The following LYN variants were observed in gnomAD, a reference collection of about 807,000 sequenced individuals.
LYN encodes LYN proto-oncogene, Src family tyrosine kinase.
Under a neutral mutation model 65.0 loss-of-function variants are expected in LYN, and 12 were observed. The observed-to-expected ratio is 0.18, with a 90% CI of 0.12 to 0.30. LYN has a LOEUF of 0.30. Among genes scored for constraint, LYN ranks in the 10% least tolerant of loss-of-function variants. LYN has a pLI of 1.00. For missense variants in LYN, 380 were observed against 623.2 expected, an observed-to-expected ratio of 0.61 and a Z score of 4.16; for synonymous variants, 222 against 221.2, an observed-to-expected ratio of 1.00 and a Z score of -0.03.
chr8:55,935,539 C>T (rs183148406), intron 1 of LYN, among the ~76,000 whole-genome samples: 21 of 152,130 alleles, frequency 1.4e-4, no homozygotes, highest in African/African-American at 2.9e-4. Flanking sequence ...TTTGGGAGGC[C>T]GAGGCGGGTG....
intron 12 of LYN, among the ~76,000 whole-genome samples, chr8:56,007,793 T>G (rs1297968051): frequency 6.6e-6 from 1 of 152,212 alleles, no homozygotes; most frequent in Admixed American, 6.5e-5. Flanking sequence ...TCTGACCTTT[T>G]CTGTTTTATT....
Position 55,950,533 on chromosome 8 carries a change from A to T in LYN, c.359A>T (p.Lys120Ile). Residue 120 changes from lysine (K) to isoleucine (I), a missense_variant, in exon 5 of 13, where the codon AAA becomes ATA. Lys to Ile is a moderately radical substitution (Grantham distance 102). Around this residue, in one of 2 missense-constraint regions of LYN, gnomAD observed 157 missense variants for 193.2 expected, o/e 0.81. Transcript: ENST00000519728. ...TTCATCCCCAGCAACTATGTGGCCA[A>T]ACTCAACACCTTAGAAACAGAAGAG... is the stretch of plus-strand genomic sequence containing the variant. ...EGFIPSNYVA[K>I]LNTLETEEWF... 2 of 1,613,876 alleles carry T rather than the reference A, an allele frequency of 1.2e-6. No individual in the cohort carries two copies. The highest frequency in any genetic ancestry group is 2.2e-5 in the South Asian group (2 of 90,968).
chr8:55,933,274 G>C (rs1466636512), intron 1 of LYN, among the ~76,000 whole-genome samples: 1 of 152,138 alleles, frequency 6.6e-6, no homozygotes, highest in Non-Finnish European at 1.5e-5. Context: ...TTGGTGAACT[G>C]ATCATCTTGT....
chr8:55,952,692 A>G (rs1458743649), intron 7 of LYN, among the ~76,000 whole-genome samples: 1 of 152,238 alleles, frequency 6.6e-6, no homozygotes, highest in East Asian at 1.9e-4. Flanking sequence ...GTGTTCCACA[A>G]TTACCAAGAG....
intron 10 of LYN, among the ~76,000 whole-genome samples, chr8:55,987,327 G>A (rs993853507): frequency 1.3e-5 from 2 of 151,468 alleles, no homozygotes; most frequent in African/African-American, 2.4e-5. Context: ...AGAATTGCTC[G>A]AGCCCCGGAG....
At chr8:55,994,635 G>A (rs1211903640) in intron 10 of LYN, among the ~76,000 whole-genome samples, 1 of 152,198 alleles carries the variant, frequency 6.6e-6, no homozygotes, top group African/African-American at 2.4e-5. Context: ...AGCGTTGGGA[G>A]AGGGGCAGCA....
intron 1 of LYN, among the ~76,000 whole-genome samples, chr8:55,918,005 A>T (rs1054186105): frequency 6.6e-6 from 1 of 152,230 alleles, no homozygotes; most frequent in Non-Finnish European, 1.5e-5. Context: ...AAGCTGAGAT[A>T]TTGCACCAAA....
chr8:55,980,977 C>T (rs561017365), intron 10 of LYN, among the ~76,000 whole-genome samples: 66 of 152,338 alleles, frequency 4.3e-4, no homozygotes, highest in Admixed American at 1.6e-3. Flanking sequence ...GTGCTGTTCT[C>T]GGTCTCTGTG....
At chr8:55,984,282 C>T (rs934785169) in intron 10 of LYN, among the ~76,000 whole-genome samples, 10 of 152,166 alleles carry the variant, frequency 6.6e-5, no homozygotes, top group East Asian at 1.9e-4. Flanking sequence ...GTCTAGACTC[C>T]GGCCACTCCG....
intron 10 of LYN, among the ~76,000 whole-genome samples, chr8:55,987,635 C>T (rs187878996): frequency 3.3e-5 from 5 of 152,030 alleles, no homozygotes; most frequent in African/African-American, 9.7e-5. Context: ...AGGCTGGTCT[C>T]GAACTCCTAG....
In LYN at chr8:55,890,117, C is replaced by CAAAA. The variant is rs34706733; in HGVS notation, c.-6+10032_-6+10035dup. On this transcript the variant is annotated intron_variant, in intron 1 of 12. Transcript: ENST00000519728. ...TAAAGTGAGAACCTGCCTCTATAGA[C>CAAAA]AAAAAAAAAAAAAAAAAAAAAGAAT... 6.2e-3 allele frequency among the ~76,000 whole-genome samples: 493 copies of CAAAA among 78,980 alleles called. 17 individuals carry two copies. The highest frequency in any genetic ancestry group is 0.018 in the African/African-American group (335 of 18,226). The allele number at this position is 78,980 out of a possible 152,430, so 51.8% of individuals were successfully genotyped here.
chr8:55,905,360 G>A (rs529597931), intron 1 of LYN, among the ~76,000 whole-genome samples: 62 of 152,180 alleles, frequency 4.1e-4, no homozygotes, highest in Middle Eastern at 3.4e-3. Flanking sequence ...GCAGTGAGCC[G>A]ATAGTGCCAT....
intron 1 of LYN, among the ~76,000 whole-genome samples, chr8:55,939,348 G>A (rs550541576): frequency 6.6e-6 from 1 of 152,182 alleles, no homozygotes; most frequent in Non-Finnish European, 1.5e-5. Flanking sequence ...CATGACAATG[G>A]TGGAAAGAAA....
chr8:55,999,673 A>G (rs1417883557), intron 12 of LYN, 124 bp downstream of exon 12: 1 of 1,047,206 alleles, frequency 9.5e-7, no homozygotes, highest in East Asian at 2.5e-5. Flanking sequence ...GCTTTGAGCC[A>G]GAACTTGATT....
At chr8:55,924,599 C>T (rs564291591) in intron 1 of LYN, among the ~76,000 whole-genome samples, 11 of 151,762 alleles carry the variant, frequency 7.2e-5, no homozygotes, top group South Asian at 2.1e-4. Flanking sequence ...CCTGACCTCA[C>T]GTAATCCACC....
rs1808801694 is a variant in LYN, at chr8:56,011,020, G to T, written c.*910G>T. 1 of 232,290 alleles carries T rather than the reference G, an allele frequency of 4.3e-6. No individual in the cohort carries two copies. The highest frequency in any genetic ancestry group is 5.6e-5 in the Admixed American group (1 of 17,752). The allele number at this position is 232,290 out of a possible 1,614,324, so 14.4% of individuals were successfully genotyped here. On this transcript the variant is annotated 3_prime_UTR_variant, in exon 13 of 13. Coordinates refer to ENST00000519728, the MANE Select transcript of LYN (RefSeq NM_002350.4). Reference sequence around the variant, plus strand: ...TTATAGGGCCTTCTAAAACATAAGAGTTTCCTTTGTTGCTTCAAATATTTG... The same window carrying T: ...TTATAGGGCCTTCTAAAACATAAGATTTTCCTTTGTTGCTTCAAATATTTG...
chr8:55,990,835 G>C (rs994518269), intron 10 of LYN, among the ~76,000 whole-genome samples: 2 of 152,166 alleles, frequency 1.3e-5, no homozygotes, highest in Admixed American at 1.3e-4. Flanking sequence ...CAAGGGGAGG[G>C]TCTACCCAGT....
rs1449910587 is a variant in LYN at position 55,915,936 on chromosome 8, GA to G, written c.-5-25918del. On this transcript the variant is annotated intron_variant, in intron 1 of 12. Coordinates refer to ENST00000519728, the MANE Select transcript of LYN (RefSeq NM_002350.4). ...TACTTACTATCACCATAAGCTCTAA[GA>G]TATGACATGAGTATGTTTCTATTTT... 2.0e-5 allele frequency among the ~76,000 whole-genome samples: 3 copies of G among 152,118 alleles called. No homozygotes were observed. The East Asian group carries it at 5.8e-4, about 29-fold the overall frequency.
At chr8:55,933,886 A>C (rs1279503740) in intron 1 of LYN, among the ~76,000 whole-genome samples, 1 of 152,068 alleles carries the variant, frequency 6.6e-6, no homozygotes, top group Non-Finnish European at 1.5e-5. Context: ...TAACTAGATG[A>C]CCCTGGGTCT....
Sources: gnomAD v4.1 joint callset for allele counts (sites outside exome capture counted in the v4.1 genomes callset) on GRCh38, gnomAD v4.1.1 for gene constraint, gnomAD v4.1.1 regional missense constraint, MANE v1.5 for transcripts, NCBI Gene and HGNC (gene_info 2026-07-23, HGNC 2026-07-21) for gene names.